The following GHRHR variants were observed in gnomAD, a reference collection of about 807,000 sequenced individuals.
GHRHR encodes growth hormone-releasing hormone receptor.
Under a neutral mutation model 58.3 loss-of-function variants are expected in GHRHR, and 40 were observed. That is an observed-to-expected ratio of 0.69 (90% CI 0.53 to 0.89). The LOEUF is 0.89. Ranked by LOEUF, GHRHR falls within the 40% of genes least tolerant of loss-of-function variation. The pLI, the probability that GHRHR is intolerant of heterozygous loss-of-function variation, is 0.00. For synonymous variants in GHRHR, 249 were observed against 216.6 expected, an observed-to-expected ratio of 1.15 and a Z score of -1.31; for missense variants, 551 against 541.3, an observed-to-expected ratio of 1.02 and a Z score of -0.18.
intron 4 of GHRHR, 102 bp from the exon 5 acceptor site, chr7:30,971,017 G>A (rs1160528889): frequency 4.2e-6 from 3 of 711,498 alleles, no homozygotes; most frequent in East Asian, 2.7e-5. Flanking sequence ...GATGGGGAGT[G>A]TTGGGGTGGA....
At position 30,974,489 on chromosome 7, in the gene GHRHR, C is replaced by T. The variant is rs547906129; in HGVS notation, c.812C>T (p.Ala271Val). The change falls in exon 8 of 13, where the codon GCG becomes GTG. Residue 271 changes from alanine to valine, a missense_variant and splice_region_variant. Ala to Val is a moderately conservative substitution (Grantham distance 64, BLOSUM62 0). Coordinates refer to ENST00000326139, the MANE Select transcript of GHRHR (RefSeq NM_000823.4). The part of the protein sequence containing the change: ...VSCKLAFEDI[A>V]CWDLDDTSPY... ...TGCAAACTGGCCTTCGAGGACATCG[C>T]GTGAGTCGGAGCGGCCACCTTGTCA... 27 of 1,608,692 alleles carry T rather than the reference C, an allele frequency of 1.7e-5. No homozygotes were observed. The highest frequency in any genetic ancestry group is 8.9e-5 in the East Asian group (4 of 44,846).
intron 7 of GHRHR, 79 bp downstream of exon 7, chr7:30,974,217 C>G (rs1792533142): frequency 9.1e-6 from 13 of 1,425,524 alleles, no homozygotes; most frequent in Non-Finnish European, 1.2e-5. Context: ...AAAGGCCCCT[C>G]CACCTCACTC....
chr7:30,964,627 A>G (rs986009705), intron 1 of GHRHR, among the ~76,000 whole-genome samples: 1 of 152,134 alleles, frequency 6.6e-6, no homozygotes, highest in African/African-American at 2.4e-5. Context: ...TCCTTTGAAG[A>G]GGGTGTGGCC....
Position 30,971,110 on chromosome 7 carries a change from C to T in GHRHR, c.367-9C>T. The stretch of plus-strand genomic sequence containing the variant: ...AGCTGAGACTTTCTTCTGTCTCTGC[C>T]CTTCCCAGGAATCTTACTTCTCCAC... On this transcript the variant is annotated splice_polypyrimidine_tract_variant and intron_variant, in intron 4 of 12. Transcript: ENST00000326139. 8.0e-7 allele frequency: 1 copy of T among 1,247,116 alleles called. No individual in the cohort carries two copies. Among genetic ancestry groups the T allele is most frequent in the South Asian group, 1.3e-5 (1 of 78,074 alleles). 77.3% of individuals were successfully genotyped at this position (1,247,116 alleles called of 1,614,324 possible).
intron 1 of GHRHR, among the ~76,000 whole-genome samples, chr7:30,965,279 C>A (rs1216462495): frequency 6.6e-6 from 1 of 152,118 alleles, no homozygotes; most frequent in Non-Finnish European, 1.5e-5. Context: ...GTGCTAGTAC[C>A]AAAGCTAGAA....
intron 6 of GHRHR, 28 bp from the exon 7 acceptor site, chr7:30,973,957 T>G: frequency 6.2e-7 from 1 of 1,610,696 alleles, no homozygotes; most frequent in Non-Finnish European, 8.5e-7. Flanking sequence ...GTGTCCCAGC[T>G]CTGAAGCACC....
At chr7:30,975,587 T>G (rs1190691429) in intron 9 of GHRHR, among the ~76,000 whole-genome samples, 190 bp from the exon 10 acceptor site, 2 of 152,030 alleles carry the variant, frequency 1.3e-5, no homozygotes, top group African/African-American at 4.8e-5. Context: ...AATGCTCAAA[T>G]GTGGGACCCC....
rs77218088 is a variant in GHRHR, at chr7:30,975,190, C to G, written c.882+150C>G. 4,972 of 708,302 alleles carry G rather than the reference C, an allele frequency of 7.0e-3. 193 individuals carry two copies. In the African/African-American group the frequency reaches 0.078, roughly 11 times the overall value. The allele number at this position is 708,302 out of a possible 1,614,324, so 43.9% of individuals were successfully genotyped here. The stretch of plus-strand genomic sequence containing the variant: ...TCTGCCACTGATTCTCTGTGAGGCC[C>G]TCTCTGGGCCTCAGTATCCCATTGG... On this transcript the variant is annotated intron_variant, in intron 9 of 12. Coordinates refer to ENST00000326139, the MANE Select transcript of GHRHR (RefSeq NM_000823.4).
At chr7:30,971,022 G>A in intron 4 of GHRHR, 97 bp from the exon 5 acceptor site, 2 of 714,140 alleles carry the variant, frequency 2.8e-6, no homozygotes, top group Non-Finnish European at 5.1e-6. Context: ...GGAGTGTTGG[G>A]GTGGAATGGC....
rs766819346 is a variant in GHRHR at position 30,974,074 on chromosome 7, C to T, written c.687C>T (p.Cys229=). Residue 229 remains cysteine, a synonymous_variant, in exon 7 of 13, where the codon TGC becomes TGT. Transcript: ENST00000326139. ...WLLAEAVYLN[C]LLASTSPSSR... ...TGGCAGAAGCCGTCTACCTGAACTG[C>T]CTCCTGGCCTCCACCTCCCCCAGCT... The T allele has an allele frequency of 5.6e-6, 9 of 1,614,112 alleles. No individual in the cohort carries two copies. In the East Asian group the frequency reaches 6.7e-5, roughly 12 times the overall value.
chr7:30,979,347 T>G lies in GHRHR; in HGVS notation c.*103T>G. On this transcript the variant is annotated 3_prime_UTR_variant, in exon 13 of 13. Transcript: ENST00000326139. ...GGGGGCCACATCCCCACCCCAGCTG[T>G]TACCCAGCCCGGGGCAGGTGCAGCC... 1.4e-5 allele frequency: 16 copies of G among 1,155,274 alleles called. No homozygotes were observed. The highest frequency in any genetic ancestry group is 1.6e-5 in the Non-Finnish European group (13 of 793,994). The allele number at this position is 1,155,274 out of a possible 1,614,324, so 71.6% of individuals were successfully genotyped here.
intron 12 of GHRHR, among the ~76,000 whole-genome samples, chr7:30,977,878 G>T (rs567326639): frequency 4.6e-5 from 7 of 152,336 alleles, no homozygotes; most frequent in African/African-American, 1.4e-4. Context: ...AGACAGAACA[G>T]ATGGTGCTGC....
chr7:30,970,851 C>T (rs1039181665), intron 4 of GHRHR: 7 of 526,910 alleles, frequency 1.3e-5, no homozygotes, highest in Admixed American at 3.1e-5. Context: ...CTGCGGCTGC[C>T]TCTCCTCACC....
intron 1 of GHRHR, among the ~76,000 whole-genome samples, chr7:30,964,629 G>C (rs1245112167): frequency 2.0e-5 from 3 of 152,170 alleles, no homozygotes; most frequent in Non-Finnish European, 4.4e-5. Flanking sequence ...CTTTGAAGAG[G>C]GTGTGGCCAG....
At chr7:30,974,945 A>G (rs1346035425) in intron 8 of GHRHR, 26 bp from the exon 9 acceptor site, 2 of 1,551,860 alleles carry the variant, frequency 1.3e-6, no homozygotes, top group Admixed American at 1.7e-5. Context: ...ACTTTCCAAC[A>G]ACGGCCTTCT....
intron 7 of GHRHR, 85 bp from the exon 8 acceptor site, chr7:30,974,344 C>A: frequency 8.6e-7 from 1 of 1,157,212 alleles, no homozygotes; most frequent in Non-Finnish European, 1.3e-6. Context: ...CCCTACGTGG[C>A]TGATGGTGGT....
In GHRHR at chr7:30,974,493, A is replaced by G; in HGVS notation, c.812+4A>G. ...AACTGGCCTTCGAGGACATCGCGTG[A>G]GTCGGAGCGGCCACCTTGTCATACC... is the stretch of plus-strand genomic sequence containing the variant. On this transcript the variant is annotated splice_donor_region_variant and intron_variant, in intron 8 of 12. Transcript: ENST00000326139. 6.2e-7 allele frequency: 1 copy of G among 1,607,428 alleles called. No homozygotes were observed. Among genetic ancestry groups the G allele is most frequent in the Non-Finnish European group, 8.5e-7 (1 of 1,173,864 alleles).
At chr7:30,972,387 A>C (rs1792498545) in intron 6 of GHRHR, among the ~76,000 whole-genome samples, 1 of 149,992 alleles carries the variant, frequency 6.7e-6, no homozygotes, top group Non-Finnish European at 1.5e-5. Context: ...CTTTCCTTTC[A>C]CCCCTCCCTG....
intron 7 of GHRHR, 135 bp downstream of exon 7, chr7:30,974,273 T>C: frequency 8.6e-7 from 1 of 1,166,822 alleles, no homozygotes; most frequent in Non-Finnish European, 1.3e-6. Flanking sequence ...CGGCAGCAAG[T>C]GTTGGAGGGT....
Sources: gnomAD v4.1 joint callset for allele counts (sites outside exome capture counted in the v4.1 genomes callset) on GRCh38, gnomAD v4.1.1 for gene constraint, MANE v1.5 for transcripts, NCBI Gene and HGNC (gene_info 2026-07-23, HGNC 2026-07-21) for gene names.